Variants in MYO10 observed in about 807,000 individuals in gnomAD.
MYO10 encodes the protein unconventional myosin-X.
MYO10 carries 133 observed loss-of-function variants against 257.3 expected under a neutral mutation model. The ratio of observed to expected loss-of-function variants is 0.52; its 90% CI spans 0.45 to 0.60. The LOEUF is 0.60. Ranked by LOEUF, MYO10 falls within the 20% of genes least tolerant of loss-of-function variation. MYO10 has a pLI of 0.00. For missense variants in MYO10, 2,399 were observed against 2,635.7 expected (o/e 0.91, Z 1.97); for synonymous variants, 1,104 against 1,028.6 (o/e 1.07, Z -1.40).
At chr5:16,777,839 C>CCTTTTTTTTTTTTTTTTTTTTTTTT (rs1560979466) in intron 9 of MYO10, among the ~76,000 whole-genome samples, 3 of 88,482 alleles carry the variant, frequency 3.4e-5, no homozygotes, top group African/African-American at 1.1e-4. Flanking sequence ...TTGCATCTAA[C>CCTTTTTTTTTTTTTTTTTTTTTTTT]TTTTTTTTTT....
intron 19 of MYO10, among the ~76,000 whole-genome samples, chr5:16,744,838 T>C (rs935374979): frequency 2.0e-5 from 3 of 151,356 alleles, no homozygotes; most frequent in Admixed American, 6.6e-5. Context: ...TATTGCATAA[T>C]GTGTTGATGT....
intron 2 of MYO10, among the ~76,000 whole-genome samples, chr5:16,838,095 T>G (rs1182482838): frequency 6.6e-6 from 1 of 152,082 alleles, no homozygotes; most frequent in Non-Finnish European, 1.5e-5. Flanking sequence ...ACAACAATAT[T>G]GAAATTGGGC....
At chr5:16,749,513 A>G (rs1013361130) in intron 19 of MYO10, among the ~76,000 whole-genome samples, 1 of 151,614 alleles carries the variant, frequency 6.6e-6, no homozygotes, top group African/African-American at 2.4e-5. Context: ...GATAAACCCT[A>G]TCCCAAGAGG....
chr5:16,920,340 TA>T (rs1334884251), intron 1 of MYO10, among the ~76,000 whole-genome samples: 1 of 151,936 alleles, frequency 6.6e-6, no homozygotes, highest in Non-Finnish European at 1.5e-5. Context: ...TACTTAATAA[TA>T]AAAAAGGAAC....
intron 24 of MYO10, among the ~76,000 whole-genome samples, chr5:16,702,334 A>G (rs949864777): frequency 1.3e-5 from 2 of 152,218 alleles, no homozygotes; most frequent in African/African-American, 4.8e-5. Context: ...TAGAGAAATT[A>G]TACTCTTGTG....
At chr5:16,880,479 C>T (rs560678744) in intron 1 of MYO10, among the ~76,000 whole-genome samples, 2 of 152,120 alleles carry the variant, frequency 1.3e-5, no homozygotes, top group East Asian at 3.9e-4. Flanking sequence ...CATAGGCACT[C>T]ATTTCCCTGG....
At position 16,891,498 on chromosome 5, in the gene MYO10, G is replaced by A. The variant is rs545552351; in HGVS notation, c.22-13791C>T. 3.9e-5 allele frequency among the ~76,000 whole-genome samples: 6 copies of A among 152,166 alleles called. 1 individual carries two copies. In the South Asian group the frequency reaches 1.0e-3, roughly 26 times the overall value. On this transcript the variant is annotated intron_variant, in intron 1 of 40. Transcript: ENST00000513610. ...ATGGAGAGTGGCTGCTAACAGGTACGGAGTTTTGTGGGGGGTTTTCTGGAG... is the reference window on the plus strand; with the variant it reads ...ATGGAGAGTGGCTGCTAACAGGTACAGAGTTTTGTGGGGGGTTTTCTGGAG...
chr5:16,820,591 C>T (rs1742769717), intron 2 of MYO10, among the ~76,000 whole-genome samples: 1 of 152,182 alleles, frequency 6.6e-6, no homozygotes. Flanking sequence ...GCACAACTAT[C>T]TCCCTCTCCA....
rs367967349 is a variant in MYO10 at position 16,703,153 on chromosome 5, T to C, written c.2282A>G (p.Gln761Arg). The change falls in exon 23 of 41, where the codon CAA becomes CGA. Residue 761 changes from glutamine to arginine, a missense_variant. Transcript: ENST00000513610. ...AHVLGFLARK[Q>R]YRKVLYCVVI... ...CACACAATAAAGGACCTTTCTGTATTGTTTTCTGAAAATGAAAGAAAACAA... is the reference window on the plus strand; with the variant it reads ...CACACAATAAAGGACCTTTCTGTATCGTTTTCTGAAAATGAAAGAAAACAA... The C allele has an allele frequency of 8.2e-6, 13 of 1,590,744 alleles. No homozygotes were observed. The highest frequency in any genetic ancestry group is 1.1e-5 in the Non-Finnish European group (13 of 1,167,340).
At position 16,761,565 on chromosome 5, in the gene MYO10, A is replaced by G. The variant is rs1160028773; in HGVS notation, c.1657-19T>C. The G allele has an allele frequency of 3.2e-6, 5 of 1,579,216 alleles. No individual in the cohort carries two copies. Among genetic ancestry groups the G allele is most frequent in the African/African-American group, 2.7e-5 (2 of 74,194 alleles). ...ATTGCACCTAGTTTTAATAAATAAG[A>G]GAGGAGAAAACTGATTGAAAGAATA... On this transcript the variant is annotated intron_variant, in intron 16 of 40. Transcript: ENST00000513610.
In MYO10 at chr5:16,791,964, C is replaced by T. The variant is rs58500020; in HGVS notation, c.467+2682G>A. Among the ~76,000 whole-genome samples, 3,137 of 152,084 alleles carry T rather than the reference C, an allele frequency of 0.021. 157 individuals are homozygous for T. In the East Asian group the frequency reaches 0.21, roughly 10 times the overall value. On this transcript the variant is annotated intron_variant, in intron 4 of 40. Transcript: ENST00000513610. The stretch of plus-strand genomic sequence containing the variant: ...CGATTAACTGCAAGCCGTTATGATC[C>T]CTATCTGTTTAACTGAATACACTGA...
chr5:16,830,038 G>A (rs752509861), intron 2 of MYO10, among the ~76,000 whole-genome samples: 3 of 152,058 alleles, frequency 2.0e-5, no homozygotes, highest in Non-Finnish European at 4.4e-5. Flanking sequence ...TGAGGAGTTC[G>A]GGACCAGCCT....
At chr5:16,837,197 C>A (rs1254226268) in intron 2 of MYO10, among the ~76,000 whole-genome samples, 2 of 152,058 alleles carry the variant, frequency 1.3e-5, no homozygotes, top group African/African-American at 4.8e-5. Context: ...GTAATCCCAG[C>A]TACTTGGGAG....
At chr5:16,791,104 C>T (rs909777449) in intron 4 of MYO10, among the ~76,000 whole-genome samples, 3 of 152,138 alleles carry the variant, frequency 2.0e-5, no homozygotes, top group Non-Finnish European at 4.4e-5. Context: ...CCTATCCAAT[C>T]GATGTTCACT....
At chr5:16,770,997 A>C (rs1023029142) in intron 9 of MYO10, among the ~76,000 whole-genome samples, 1 of 152,158 alleles carries the variant, frequency 6.6e-6, no homozygotes, top group African/African-American at 2.4e-5. Flanking sequence ...CGAACTCCCA[A>C]CCTCAAGTGA....
chr5:16,746,957 T>C (rs984038467), intron 19 of MYO10, among the ~76,000 whole-genome samples: 13 of 152,224 alleles, frequency 8.5e-5, no homozygotes, highest in African/African-American at 2.9e-4. Context: ...AGTTTAAACC[T>C]TGTCATGTGG....
chr5:16,725,078 C>CTT (rs34100971), intron 19 of MYO10, among the ~76,000 whole-genome samples: 4,119 of 74,950 alleles, frequency 0.055, 804 homozygotes, highest in South Asian at 0.074. Context: ...CCTTCTTCTT[C>CTT]TTTTTTTTTT....
intron 27 of MYO10, among the ~76,000 whole-genome samples, chr5:16,693,559 T>C (rs1187119432): frequency 6.6e-6 from 1 of 152,262 alleles, no homozygotes; most frequent in Non-Finnish European, 1.5e-5. Flanking sequence ...AAGTTGCGGA[T>C]GCTGGCTGAT....
intron 18 of MYO10, among the ~76,000 whole-genome samples, chr5:16,755,843 A>G (rs994568724): frequency 4.6e-5 from 7 of 151,298 alleles, no homozygotes; most frequent in African/African-American, 1.7e-4. Context: ...CACACATACT[A>G]TACCCACCCC....
Sources: allele counts gnomAD v4.1 joint callset (sites outside exome capture counted in the v4.1 genomes callset), GRCh38; gene constraint gnomAD v4.1.1; transcripts MANE v1.5; gene names NCBI Gene and HGNC (gene_info 2026-07-23, HGNC 2026-07-21).